The following UBE2H variants were observed in gnomAD, a reference collection of about 807,000 sequenced individuals.
The protein encoded by UBE2H is ubiquitin conjugating enzyme E2 H, also known as ubiquitin-conjugating enzyme E2 H.
UBE2H carries 3 observed loss-of-function variants against 29.0 expected under a neutral mutation model. That is an observed-to-expected ratio of 0.10 (90% CI 0.05 to 0.27). UBE2H has a LOEUF of 0.27. Ranked by LOEUF, UBE2H falls within the 10% of genes least tolerant of loss-of-function variation. UBE2H has a pLI of 1.00. For synonymous variants in UBE2H, 69 were observed against 82.9 expected, an observed-to-expected ratio of 0.83 and a Z score of 0.91; for missense variants, 68 against 228.2, an observed-to-expected ratio of 0.30 and a Z score of 4.52.
chr7:129,932,442 A>C (rs1807426606), intron 1 of UBE2H, among the ~76,000 whole-genome samples: 1 of 152,034 alleles, frequency 6.6e-6, no homozygotes, highest in South Asian at 2.1e-4. Flanking sequence ...TTTTTAATGG[A>C]TCTTTTAACC....
At chr7:129,920,896 G>A (rs1452854699) in intron 1 of UBE2H, among the ~76,000 whole-genome samples, 3 of 148,560 alleles carry the variant, frequency 2.0e-5, no homozygotes, top group Non-Finnish European at 4.4e-5. Context: ...TCCTGGTGTT[G>A]GCCGGGCACA....
chr7:129,940,978 G>A (rs984175641), intron 1 of UBE2H, among the ~76,000 whole-genome samples: 2 of 151,958 alleles, frequency 1.3e-5, no homozygotes, highest in African/African-American at 4.8e-5. Flanking sequence ...TTTTGGAGAC[G>A]GAGTCACAGT....
chr7:129,873,278 C>T (rs1451129725), intron 3 of UBE2H, among the ~76,000 whole-genome samples: 2 of 152,070 alleles, frequency 1.3e-5, no homozygotes, highest in Non-Finnish European at 2.9e-5. Flanking sequence ...CTCAGCCTCC[C>T]AAAGTGCTGG....
chr7:129,834,144 G>C lies in UBE2H; in HGVS notation c.*793C>G, dbSNP rs945299459. ...CTGCATGTGTTTTGGATGAGAGGAA[G>C]CATCGTCCCAGTCACTTTTCTCCTC... is the stretch of plus-strand genomic sequence containing the variant. On this transcript the variant is annotated 3_prime_UTR_variant, in exon 7 of 7. Coordinates refer to ENST00000355621, the MANE Select transcript of UBE2H (RefSeq NM_003344.4). 2.0e-5 allele frequency: 3 copies of C among 152,152 alleles called. No homozygotes were observed. The highest frequency in any genetic ancestry group is 7.2e-5 in the African/African-American group (3 of 41,434). The allele number at this position is 152,152 out of a possible 1,614,324, so 9.4% of individuals were successfully genotyped here.
chr7:129,884,145 C>T (rs1246315945), intron 1 of UBE2H, among the ~76,000 whole-genome samples: 6 of 151,942 alleles, frequency 3.9e-5, no homozygotes, highest in South Asian at 2.1e-4. Context: ...TGGCCAGGCG[C>T]GGTGGCTCAC....
At chr7:129,845,500 T>C (rs996329275) in intron 5 of UBE2H, among the ~76,000 whole-genome samples, 7 of 152,212 alleles carry the variant, frequency 4.6e-5, no homozygotes, top group African/African-American at 1.7e-4. Context: ...TCCCACTTTC[T>C]TTTCTGCACA....
intron 5 of UBE2H, among the ~76,000 whole-genome samples, chr7:129,842,573 T>TA (rs1178034130): frequency 1.3e-5 from 2 of 152,324 alleles, no homozygotes; most frequent in Admixed American, 6.5e-5. Context: ...GGTGAGTTAT[T>TA]AAGGCAGTGG....
At chr7:129,859,937 G>A (rs1805770318) in intron 3 of UBE2H, among the ~76,000 whole-genome samples, 1 of 151,994 alleles carries the variant, frequency 6.6e-6, no homozygotes. Flanking sequence ...TACACCGCAG[G>A]CATTGTGCTT....
At chr7:129,848,215 T>A (rs1805545815) in intron 5 of UBE2H, among the ~76,000 whole-genome samples, 1 of 152,102 alleles carries the variant, frequency 6.6e-6, no homozygotes, top group South Asian at 2.1e-4. Context: ...AGAGCAAGAC[T>A]CTGTCTCAAA....
intron 1 of UBE2H, among the ~76,000 whole-genome samples, chr7:129,921,049 C>T (rs939161113): frequency 2.6e-4 from 40 of 151,244 alleles, no homozygotes; most frequent in African/African-American, 9.0e-4. Flanking sequence ...ATATATTACA[C>T]GTGATTTTTT....
At chr7:129,940,551 G>A (rs1358014378) in intron 1 of UBE2H, among the ~76,000 whole-genome samples, 1 of 152,154 alleles carries the variant, frequency 6.6e-6, no homozygotes, top group Non-Finnish European at 1.5e-5. Context: ...CTTCTCTGCA[G>A]GGACAGGTCA....
intron 1 of UBE2H, among the ~76,000 whole-genome samples, chr7:129,893,446 C>G (rs1226670152): frequency 1.3e-5 from 2 of 152,104 alleles, no homozygotes; most frequent in East Asian, 3.9e-4. Context: ...GTACCACACC[C>G]CCATCCCCAA....
chr7:129,936,680 C>T (rs1336928018), intron 1 of UBE2H, among the ~76,000 whole-genome samples: 4 of 151,334 alleles, frequency 2.6e-5, no homozygotes, highest in East Asian at 1.9e-4. Context: ...GTTCAGGCCA[C>T]GTGCAGTGGC....
At chr7:129,942,718 C>T (rs1807672828) in intron 1 of UBE2H, among the ~76,000 whole-genome samples, 1 of 152,102 alleles carries the variant, frequency 6.6e-6, no homozygotes, top group African/African-American at 2.4e-5. Flanking sequence ...CTTATCAATA[C>T]TTTACAAAGA....
At chr7:129,900,961 A>C (rs994026235) in intron 1 of UBE2H, among the ~76,000 whole-genome samples, 51 of 152,226 alleles carry the variant, frequency 3.4e-4, no homozygotes, top group African/African-American at 1.1e-3. Flanking sequence ...CGTGTTAGCC[A>C]GGATGGTCTC....
intron 1 of UBE2H, among the ~76,000 whole-genome samples, chr7:129,887,321 A>G (rs1297789341): frequency 6.6e-6 from 1 of 150,734 alleles, no homozygotes; most frequent in Non-Finnish European, 1.5e-5. Flanking sequence ...TCCCAGGTTC[A>G]AGCGATTCTC....
intron 1 of UBE2H, among the ~76,000 whole-genome samples, chr7:129,913,562 C>G (rs1013898162): frequency 1.3e-5 from 2 of 152,028 alleles, no homozygotes; most frequent in African/African-American, 4.8e-5. Flanking sequence ...GCATCTAAGG[C>G]CTGTATGTTT....
chr7:129,891,584 A>C (rs1227595914), intron 1 of UBE2H, among the ~76,000 whole-genome samples: 1 of 152,216 alleles, frequency 6.6e-6, no homozygotes, highest in South Asian at 2.1e-4. Flanking sequence ...TGGGCGGATC[A>C]TGAGGTCAGG....
At chr7:129,944,936 T>C (rs1457917958) in intron 1 of UBE2H, among the ~76,000 whole-genome samples, 2 of 151,478 alleles carry the variant, frequency 1.3e-5, no homozygotes, top group Non-Finnish European at 2.9e-5. Flanking sequence ...ATCCACATAA[T>C]AGAATACTAC....
Sources: allele counts gnomAD v4.1 joint callset (sites outside exome capture counted in the v4.1 genomes callset), GRCh38; gene constraint gnomAD v4.1.1; transcripts MANE v1.5; gene names NCBI Gene and HGNC (gene_info 2026-07-23, HGNC 2026-07-21).